The following TMEM245 variants were observed in gnomAD, a reference collection of about 807,000 sequenced individuals.
TMEM245 encodes the protein transmembrane protein 245.
A neutral mutation model predicts 101.2 loss-of-function variants in TMEM245; 69 were observed. The ratio of observed to expected loss-of-function variants is 0.68; its 90% CI spans 0.56 to 0.83. The LOEUF (loss-of-function observed/expected upper bound fraction) is 0.83, where lower values mean the gene tolerates loss of function less well. Ranked by LOEUF, TMEM245 falls within the 40% of genes least tolerant of loss-of-function variation. The pLI is 0.00. For synonymous variants in TMEM245, 537 were observed against 449.8 expected (o/e 1.19, Z -2.45); for missense variants, 1,075 against 1,092.8 (o/e 0.98, Z 0.23).
intron 17 of TMEM245, among the ~76,000 whole-genome samples, chr9:109,028,992 A>C (rs1827871816): frequency 6.6e-6 from 1 of 152,346 alleles, no homozygotes; most frequent in East Asian, 1.9e-4. Flanking sequence ...TTAAGCTGCT[A>C]AATGTGTAAT....
At chr9:109,083,907 A>AAAAAAAAAAC (rs1829747762) in intron 7 of TMEM245, among the ~76,000 whole-genome samples, 1 of 95,416 alleles carries the variant, frequency 1.0e-5, no homozygotes. Flanking sequence ...AATACAAAAA[A>AAAAAAAAAAC]AAAAAAAAAA....
chr9:109,115,926 T>G (rs1215518343), intron 1 of TMEM245, among the ~76,000 whole-genome samples: 1 of 152,228 alleles, frequency 6.6e-6, no homozygotes, highest in East Asian at 1.9e-4. Flanking sequence ...ACAGCAGGAC[T>G]TCAACTGCTG....
intron 17 of TMEM245, among the ~76,000 whole-genome samples, chr9:109,024,081 C>T (rs1193107860): frequency 6.6e-6 from 1 of 152,102 alleles, no homozygotes; most frequent in African/African-American, 2.4e-5. Flanking sequence ...ATATGTAAAT[C>T]ATTTATGATT....
chr9:109,095,486 G>A (rs1280625905), intron 3 of TMEM245, among the ~76,000 whole-genome samples: 1 of 152,110 alleles, frequency 6.6e-6, no homozygotes, highest in African/African-American at 2.4e-5. Context: ...AGTGAAAGAA[G>A]GTCAGTGTGT....
intron 3 of TMEM245, among the ~76,000 whole-genome samples, chr9:109,096,884 G>A (rs569651079): frequency 6.6e-6 from 1 of 152,282 alleles, no homozygotes; most frequent in African/African-American, 2.4e-5. Flanking sequence ...TTCAAATAAT[G>A]GACTTTCAGT....
Position 109,016,658 on chromosome 9 carries a change from G to GTTTTTTTTTTTTTTTTTT in TMEM245, c.*3784_*3801dup, listed in dbSNP as rs60869717. On this transcript the variant is annotated 3_prime_UTR_variant, in exon 18 of 18. Coordinates refer to ENST00000374586, the MANE Select transcript of TMEM245 (RefSeq NM_032012.4). ...AACAGTGGCTGCAGACAGCATGTGT[G>GTTTTTTTTTTTTTTTTTT]TTTTTTTTTTTTTTTTTTTTTGCAG... 1 of 124,726 alleles carries GTTTTTTTTTTTTTTTTTT rather than the reference G, an allele frequency of 8.0e-6. No homozygotes were observed. The highest frequency in any genetic ancestry group is 2.9e-5 in the African/African-American group (1 of 34,548). 7.7% of individuals were successfully genotyped at this position (124,726 alleles called of 1,614,324 possible).
chr9:109,085,623 TCAAA>T (rs1429289673), intron 7 of TMEM245, among the ~76,000 whole-genome samples: 3 of 152,244 alleles, frequency 2.0e-5, no homozygotes, highest in Non-Finnish European at 4.4e-5. Context: ...AGAAAAAGTA[TCAAA>T]CAGAGAGTTC....
chr9:109,043,581 C>G (rs192117614), intron 14 of TMEM245, among the ~76,000 whole-genome samples: 23 of 141,956 alleles, frequency 1.6e-4, no homozygotes, highest in African/African-American at 6.1e-4. Flanking sequence ...AGTCCAAGCT[C>G]TCCTAGCACT....
Position 109,073,451 on chromosome 9 carries a change from TAAAG to T in TMEM245, c.1450-17_1450-14del, listed in dbSNP as rs776843949. ...TCTCTTGATGTACCTGTATTACAGA[TAAAG>T]AAAGAAAAGAATCTCAGTAAAAAAT... On this transcript the variant is annotated splice_polypyrimidine_tract_variant and intron_variant, in intron 8 of 17. Coordinates refer to ENST00000374586, the MANE Select transcript of TMEM245 (RefSeq NM_032012.4). 13 of 1,573,022 alleles carry T rather than the reference TAAAG, an allele frequency of 8.3e-6. No homozygotes were observed. Among genetic ancestry groups the T allele is most frequent in the South Asian group, 2.3e-5 (2 of 87,778 alleles).
At chr9:109,021,495 T>TTTTG (rs144725198) in intron 17 of TMEM245, among the ~76,000 whole-genome samples, 6 of 125,748 alleles carry the variant, frequency 4.8e-5, no homozygotes, top group Non-Finnish European at 8.9e-5. Context: ...ACAGTTGGTT[T>TTTTG]TTTGTTTGTT....
Position 109,087,272 on chromosome 9 carries a change from C to T in TMEM245, c.1221G>A (p.Trp407Ter). Residue 407 changes from tryptophan to a stop codon, truncating the protein, a stop_gained, in exon 6 of 18, where the codon TGG becomes TGA. Transcript: ENST00000374586. LOFTEE classifies it high-confidence loss of function. ...VDFLEKRYHVWWGIIESFLKE... is the reference protein window; with the variant it reads ...VDFLEKRYHV ...TCAGGAAGCTTTCTATAATGCCCCA[C>T]CACACATGGTAGCGTTTCTCTAGGA... 6.2e-7 allele frequency: 1 copy of T among 1,613,920 alleles called. No individual in the cohort carries two copies.
In TMEM245 at chr9:109,036,380, G is replaced by A. The variant is rs1564172495; in HGVS notation, c.2225C>T (p.Ala742Val). ...FGINIVFIPS[A>V]LAAILGAVPF... ...CACTGCTCCAAGGATTGCTGCTAAT[G>A]CTGAAAAAAGAGTAAAAGAAAAACA... Residue 742 changes from alanine to valine, a missense_variant and splice_region_variant, in exon 16 of 18, where the codon GCA (alanine) becomes GTA (valine). Ala to Val is a moderately conservative substitution (Grantham distance 64, BLOSUM62 0). This residue lies in a region of TMEM245 where 267 missense variants were observed against 351.3 expected (regional missense o/e 0.76). Transcript: ENST00000374586. 1 of 1,575,626 alleles carries A rather than the reference G, an allele frequency of 6.3e-7. No individual in the cohort carries two copies. Among genetic ancestry groups the A allele is most frequent in the Non-Finnish European group, 8.6e-7 (1 of 1,167,784 alleles).
chr9:109,015,221 G>A lies in TMEM245; in HGVS notation c.*5239C>T, dbSNP rs1287124641. ...CATTAATAAAGAAGTTACATCAGTA[G>A]GTTGTCAAAGCAAGTTAGCTAAGAA... On this transcript the variant is annotated 3_prime_UTR_variant, in exon 18 of 18. Transcript: ENST00000374586. 1.4e-5 allele frequency: 2 copies of A among 144,280 alleles called. No homozygotes were observed. The highest frequency in any genetic ancestry group is 2.4e-5 in the African/African-American group (1 of 41,246). 8.9% of individuals were successfully genotyped at this position (144,280 alleles called of 1,614,324 possible). A position where few individuals can be genotyped will look rare whatever the true frequency, so the allele number is the denominator to read the frequency against.
rs931433200 is a variant in TMEM245, at chr9:109,064,621, C to G, written c.1533-54G>C. On this transcript the variant is annotated intron_variant, in intron 9 of 17. Coordinates refer to ENST00000374586, the MANE Select transcript of TMEM245 (RefSeq NM_032012.4). ...AAAGTACACTTTCTGTGTAGTGTAC[C>G]AATAATGCTTTGAACTTGATATGCT... 2.7e-6 allele frequency: 4 copies of G among 1,469,224 alleles called. No homozygotes were observed. In the African/African-American group the frequency reaches 4.2e-5, roughly 15 times the overall value. 91.0% of individuals were successfully genotyped at this position (1,469,224 alleles called of 1,614,324 possible).
chr9:109,092,579 T>C (rs1307646614), intron 4 of TMEM245, among the ~76,000 whole-genome samples: 1 of 152,260 alleles, frequency 6.6e-6, no homozygotes, highest in East Asian at 1.9e-4. Flanking sequence ...TCATTTCCTC[T>C]CCACTTTGGA....
chr9:109,064,228 T>C (rs1351170071), intron 10 of TMEM245, among the ~76,000 whole-genome samples: 1 of 152,260 alleles, frequency 6.6e-6, no homozygotes, highest in Non-Finnish European at 1.5e-5. Flanking sequence ...GTGATCATTC[T>C]GTCCTAACTC....
At chr9:109,109,530 GA>G (rs1464032546) in intron 1 of TMEM245, among the ~76,000 whole-genome samples, 1 of 151,498 alleles carries the variant, frequency 6.6e-6, no homozygotes. Context: ...AAAAAAGACA[GA>G]AAAAAACTAT....
Position 109,016,400 on chromosome 9 carries a change from GA to G in TMEM245, c.*4059del, listed in dbSNP as rs769283302. On this transcript the variant is annotated 3_prime_UTR_variant, in exon 18 of 18. Transcript: ENST00000374586. Reference sequence around the variant, plus strand: ...GCTCAACCATGAAGAAAAGGAAAGAGAAGTAGAACAACGGACTGACAGAAAA... The same window carrying G: ...GCTCAACCATGAAGAAAAGGAAAGAGAGTAGAACAACGGACTGACAGAAAA... 4 of 151,812 alleles carry G rather than the reference GA, an allele frequency of 2.6e-5. No individual in the cohort carries two copies. The highest frequency in any genetic ancestry group is 4.4e-5 in the Non-Finnish European group (3 of 67,970). 9.4% of individuals were successfully genotyped at this position (151,812 alleles called of 1,614,324 possible).
At chr9:109,039,071 T>TG (rs1828226829) in intron 14 of TMEM245, 1 of 152,170 alleles carries the variant, frequency 6.6e-6, no homozygotes, top group Non-Finnish European at 1.5e-5. Flanking sequence ...AACGTGACCT[T>TG]GTACATGCAA....
Sources: gnomAD v4.1 joint callset for allele counts (sites outside exome capture counted in the v4.1 genomes callset) on GRCh38, gnomAD v4.1.1 for gene constraint, gnomAD v4.1.1 regional missense constraint, MANE v1.5 for transcripts, NCBI Gene and HGNC (gene_info 2026-07-23, HGNC 2026-07-21) for gene names.